Variants in MYCBP2 observed in about 807,000 individuals in gnomAD.
The protein encoded by MYCBP2 is MYC binding protein 2.
In MYCBP2, 120 loss-of-function variants were observed where a neutral mutation model predicts 525.3. The ratio of observed to expected loss-of-function variants is 0.23; its 90% CI spans 0.20 to 0.27. MYCBP2 has a LOEUF of 0.27. Among genes scored for constraint, MYCBP2 ranks in the 10% least tolerant of loss-of-function variants. MYCBP2 has a pLI of 1.00. For missense variants in MYCBP2, 4,149 were observed against 5,657.1 expected, an observed-to-expected ratio of 0.73 and a Z score of 8.55; for synonymous variants, 1,894 against 1,955.8, an observed-to-expected ratio of 0.97 and a Z score of 0.83.
At position 77,233,264 on chromosome 13, in the gene MYCBP2, C is replaced by T; in HGVS notation, c.2630-1G>A. The T allele has an allele frequency of 6.2e-7, 1 of 1,610,974 alleles. No individual in the cohort carries two copies. The highest frequency in any genetic ancestry group is 1.3e-5 in the African/African-American group (1 of 74,856). On this transcript the variant is annotated splice_acceptor_variant, in intron 17 of 82. Transcript: ENST00000544440. LOFTEE classifies it high-confidence loss of function. ...ATAGGACCAGCAAATACAAGGGGGC[C>T]TGAGGAGAAACATTTTGTATGTGCA...
rs1263715681 is a variant in MYCBP2 at position 77,188,965 on chromosome 13, T to C, written c.4237A>G (p.Arg1413Gly). 1.9e-6 allele frequency: 3 copies of C among 1,599,218 alleles called. No individual in the cohort carries two copies. Among genetic ancestry groups the C allele is most frequent in the Admixed American group, 1.7e-5 (1 of 57,210 alleles). Residue 1413 changes from arginine to glycine, a missense_variant, in exon 30 of 83, where the codon AGA (arginine) becomes GGA (glycine). Arg to Gly is a moderately radical substitution (Grantham distance 125). Around this residue, in one of 21 missense-constraint regions of MYCBP2, gnomAD observed 292 missense variants for 330.5 expected, o/e 0.88. Transcript: ENST00000544440. The stretch of plus-strand genomic sequence containing the variant: ...ACATGGCTTACCACTGAGACAGTTC[T>C]TGCAAAAGACCTCTTTAAAATGTGT... Reference protein sequence around the residue: ...PVHILKRSFARTVSVECFESL... With the variant: ...PVHILKRSFAGTVSVECFESL...
chr13:77,177,888 C>A lies in MYCBP2; in HGVS notation c.5200G>T (p.Gly1734Cys). 1 of 1,613,810 alleles carries A rather than the reference C, an allele frequency of 6.2e-7. No homozygotes were observed. ...SANRFTKTSQGRSWNTGNGSP... is the reference protein window; with the variant it reads ...SANRFTKTSQCRSWNTGNGSP... ...CCGTTCCCAGTGTTCCAACTTCTGC[C>A]CTGACTTGTTTTTGTAAATCGGTTA... is the stretch of plus-strand genomic sequence containing the variant. Residue 1734 changes from glycine (G) to cysteine (C), a missense_variant, in exon 35 of 83, where the codon GGC becomes TGC. Physicochemically the swap from Gly to Cys is radical, Grantham distance 159. Coordinates refer to ENST00000544440, the MANE Select transcript of MYCBP2 (RefSeq NM_015057.5).
At chr13:77,108,637 G>A (rs546164342) in intron 55 of MYCBP2, among the ~76,000 whole-genome samples, 39 of 152,094 alleles carry the variant, frequency 2.6e-4, no homozygotes, top group Non-Finnish European at 4.4e-4. Context: ...AAGAGACAAC[G>A]CTTACGCAGC....
intron 17 of MYCBP2, among the ~76,000 whole-genome samples, chr13:77,236,166 C>T (rs1406996565): frequency 1.3e-5 from 2 of 152,098 alleles, no homozygotes; most frequent in Non-Finnish European, 2.9e-5. Flanking sequence ...GCTAAGGAAA[C>T]AGTAAGATTC....
chr13:77,059,514 T>C lies in MYCBP2; in HGVS notation c.13140+9A>G, dbSNP rs2038886290. 8.7e-6 allele frequency: 14 copies of C among 1,601,934 alleles called. No homozygotes were observed. The highest frequency in any genetic ancestry group is 3.3e-5 in the South Asian group (3 of 90,828). ...GACAATGGGATGGCCTGTGTCACTA[T>C]ATACTCACCTGGCAATCTGCATCAG... On this transcript the variant is annotated intron_variant, in intron 77 of 82. Transcript: ENST00000544440.
chr13:77,263,934 T>C lies in MYCBP2; in HGVS notation c.1426A>G (p.Arg476Gly), dbSNP rs751810881. ...GEYINQIAAS[R>G]DDGFVVRIFA... ...TTAAGATTCAGGATACTTACATCTC[T>C]TGAAGCAGCTATCTGATTAATATAT... Residue 476 changes from arginine to glycine, a missense_variant, in exon 9 of 83, where the codon AGA (arginine) becomes GGA (glycine). By Grantham distance (125) the Arg-to-Gly change is moderately radical. Transcript: ENST00000544440. 3 of 1,611,754 alleles carry C rather than the reference T, an allele frequency of 1.9e-6. No homozygotes were observed. In the South Asian group the frequency reaches 3.3e-5, roughly 18 times the overall value.
At chr13:77,284,309 A>G (rs1055588521) in intron 3 of MYCBP2, among the ~76,000 whole-genome samples, 1 of 152,102 alleles carries the variant, frequency 6.6e-6, no homozygotes, top group Non-Finnish European at 1.5e-5. Context: ...ACTTAGGAGG[A>G]GCAACAGAGG....
At position 77,303,116 on chromosome 13, in the gene MYCBP2, T is replaced by C. The variant is rs886498992; in HGVS notation, c.303-6442A>G. Among the ~76,000 whole-genome samples, 27 of 152,246 alleles carry C rather than the reference T, an allele frequency of 1.8e-4. 1 individual carries two copies. Among genetic ancestry groups the C allele is most frequent in the Non-Finnish European group, 7.4e-5 (5 of 68,000 alleles). On this transcript the variant is annotated intron_variant, in intron 1 of 82. Transcript: ENST00000544440. The stretch of plus-strand genomic sequence containing the variant: ...TTGGGAGGCCAAGGCAGGTGGATCA[T>C]GAGGTCAGGTGTTCGAGACCAGCCT...
rs1246212794 is a variant in MYCBP2 at position 77,310,781 on chromosome 13, C to T, written c.303-14107G>A. 6.8e-5 allele frequency among the ~76,000 whole-genome samples: 7 copies of T among 102,306 alleles called. 1 individual carries two copies. Among genetic ancestry groups the T allele is most frequent in the South Asian group, 2.8e-4 (1 of 3,546 alleles). The allele number at this position is 102,306 out of a possible 152,430, so 67.1% of individuals were successfully genotyped here. A position where few individuals can be genotyped will look rare whatever the true frequency, so the allele number is the denominator to read the frequency against. ...ACAGAGACACAGACGTGTGTGCGTG[C>T]GCATGCACACACACACACACACCAT... On this transcript the variant is annotated intron_variant, in intron 1 of 82. Coordinates refer to ENST00000544440, the MANE Select transcript of MYCBP2 (RefSeq NM_015057.5).
Position 77,097,839 on chromosome 13 carries a change from A to C in MYCBP2, c.9315T>G (p.His3105Gln). 6.2e-7 allele frequency: 1 copy of C among 1,613,668 alleles called. No homozygotes were observed. Among genetic ancestry groups the C allele is most frequent in the Non-Finnish European group, 8.5e-7 (1 of 1,179,806 alleles). Residue 3105 changes from histidine (H) to glutamine (Q), a missense_variant, in exon 56 of 83, where the codon CAT becomes CAG. His to Gln is a conservative substitution (Grantham distance 24). Transcript: ENST00000544440. Reference protein sequence around the residue: ...SALNMFNIAPHGPDISKMGSI... With the variant: ...SALNMFNIAPQGPDISKMGSI... ...TACCCATCTTAGATATATCTGGTCC[A>C]TGGGGTGCAATATTAAACATATTCA...
intron 76 of MYCBP2, 29 bp from the exon 77 acceptor site, chr13:77,059,655 T>A (rs1303458165): frequency 1.3e-6 from 2 of 1,504,196 alleles, no homozygotes; most frequent in Non-Finnish European, 1.9e-6. Context: ...ATAAAAATCC[T>A]TCTTATGGAT....
At chr13:77,268,069 T>C (rs2074351081) in intron 7 of MYCBP2, 132 bp from the exon 8 acceptor site, 1 of 588,132 alleles carries the variant, frequency 1.7e-6, no homozygotes, top group Non-Finnish European at 3.0e-6. Context: ...AAGATATTAA[T>C]GATTAAAAAT....
intron 15 of MYCBP2, among the ~76,000 whole-genome samples, chr13:77,250,712 T>C (rs1033602626): frequency 6.6e-6 from 1 of 152,228 alleles, no homozygotes; most frequent in Admixed American, 6.5e-5. Flanking sequence ...GTTTCTAAAT[T>C]TATAAATGGT....
Position 77,267,813 on chromosome 13 carries a change from G to A in MYCBP2, c.1357+28C>T, listed in dbSNP as rs182858558. On this transcript the variant is annotated intron_variant, in intron 8 of 82. Coordinates refer to ENST00000544440, the MANE Select transcript of MYCBP2 (RefSeq NM_015057.5). ...ATGCACATTTCTTAAAATTGCTTGT[G>A]GAGAAAAAATGACTACTTGAAACAT... 9.8e-6 allele frequency: 15 copies of A among 1,527,544 alleles called. No homozygotes were observed. In the Admixed American group the frequency reaches 2.0e-4, roughly 21 times the overall value. The allele number at this position is 1,527,544 out of a possible 1,614,324, so 94.6% of individuals were successfully genotyped here.
chr13:77,073,413 A>C (rs1004430775), intron 68 of MYCBP2, among the ~76,000 whole-genome samples: 1 of 152,154 alleles, frequency 6.6e-6, no homozygotes, highest in South Asian at 2.1e-4. Flanking sequence ...ATTCACCCCC[A>C]AAAAATCTAC....
chr13:77,235,150 C>T (rs1406935990), intron 17 of MYCBP2, among the ~76,000 whole-genome samples: 2 of 151,510 alleles, frequency 1.3e-5, no homozygotes, highest in African/African-American at 2.4e-5. Context: ...AATATAATGA[C>T]AAAGATACAG....
chr13:77,312,478 G>T (rs2080376589), intron 1 of MYCBP2, among the ~76,000 whole-genome samples: 1 of 151,978 alleles, frequency 6.6e-6, no homozygotes, highest in Admixed American at 6.6e-5. Flanking sequence ...GATCTGTAGG[G>T]TTGCAAGGTT....
In MYCBP2 at chr13:77,127,801, T is replaced by A. The variant is rs531246597; in HGVS notation, c.7660-1259A>T. Among the ~76,000 whole-genome samples, 12 of 152,050 alleles carry A rather than the reference T, an allele frequency of 7.9e-5. No homozygotes were observed. The East Asian group carries it at 2.3e-3, about 29-fold the overall frequency. On this transcript the variant is annotated intron_variant, in intron 52 of 82. Transcript: ENST00000544440. ...AAAATATGTAGATTCAAGAATTCTG[T>A]ATACCTGCTACTTTGTTAATTCCAT...
intron 45 of MYCBP2, among the ~76,000 whole-genome samples, chr13:77,157,260 CAG>C (rs1409870093): frequency 2.1e-5 from 3 of 141,128 alleles, no homozygotes; most frequent in African/African-American, 7.9e-5. Context: ...GTATTTTTTG[CAG>C]AGACAGGGTT....
Sources: gnomAD v4.1 joint callset for allele counts (sites outside exome capture counted in the v4.1 genomes callset) on GRCh38, gnomAD v4.1.1 for gene constraint, gnomAD v4.1.1 regional missense constraint, MANE v1.5 for transcripts, NCBI Gene and HGNC (gene_info 2026-07-23, HGNC 2026-07-21) for gene names.